The following SKAP1 variants were observed in gnomAD, a reference collection of about 807,000 sequenced individuals.
SKAP1 encodes the protein src kinase-associated phosphoprotein 1.
Under a neutral mutation model 58.5 loss-of-function variants are expected in SKAP1, and 44 were observed. The observed-to-expected ratio is 0.75, with a 90% CI of 0.59 to 0.97. SKAP1 has a LOEUF of 0.97. Ranked by LOEUF, SKAP1 falls within the 50% of genes least tolerant of loss-of-function variation. The pLI, the probability that SKAP1 is intolerant of heterozygous loss-of-function variation, is 0.00. For missense variants in SKAP1, 390 were observed against 435.2 expected, an observed-to-expected ratio of 0.90 and a Z score of 0.92; for synonymous variants, 127 against 149.7, an observed-to-expected ratio of 0.85 and a Z score of 1.11.
chr17:48,217,540 G>A (rs775504419), intron 4 of SKAP1, among the ~76,000 whole-genome samples: 15 of 152,046 alleles, frequency 9.9e-5, no homozygotes, highest in African/African-American at 1.7e-4. Flanking sequence ...CCAGCTGCTC[G>A]GGAGGCTGAG....
intron 11 of SKAP1, among the ~76,000 whole-genome samples, chr17:48,144,623 A>G (rs986462441): frequency 3.3e-5 from 5 of 152,226 alleles, no homozygotes; most frequent in African/African-American, 1.2e-4. Flanking sequence ...TTAAACTATT[A>G]AAATGGAGAG....
intron 1 of SKAP1, among the ~76,000 whole-genome samples, chr17:48,427,462 G>A (rs778807506): frequency 6.6e-6 from 1 of 151,958 alleles, no homozygotes; most frequent in Non-Finnish European, 1.5e-5. Context: ...TTTCACTTCA[G>A]TGACAGATTT....
intron 4 of SKAP1, among the ~76,000 whole-genome samples, chr17:48,225,154 A>G (rs1174037149): frequency 6.6e-6 from 1 of 152,200 alleles, no homozygotes; most frequent in East Asian, 1.9e-4. Context: ...GTATATTTCA[A>G]TATGCTTCTC....
intron 4 of SKAP1, among the ~76,000 whole-genome samples, chr17:48,244,668 T>C (rs1284133636): frequency 6.6e-6 from 1 of 152,180 alleles, no homozygotes. Flanking sequence ...AGTTATAATA[T>C]TCCAAAGGAA....
chr17:48,257,380 A>G (rs2065434960), intron 4 of SKAP1, among the ~76,000 whole-genome samples: 1 of 152,152 alleles, frequency 6.6e-6, no homozygotes, highest in Non-Finnish European at 1.5e-5. Flanking sequence ...TACTACAAAC[A>G]CAAATCTTAC....
chr17:48,245,919 G>T (rs1357139312), intron 4 of SKAP1, among the ~76,000 whole-genome samples: 1 of 152,130 alleles, frequency 6.6e-6, no homozygotes, highest in African/African-American at 2.4e-5. Context: ...AGGTTGCAGT[G>T]ACCCAAGATT....
the SKAP1 span, among the ~76,000 whole-genome samples, chr17:48,441,270 G>A: frequency 6.6e-6 from 1 of 152,162 alleles, no homozygotes; most frequent in Non-Finnish European, 1.5e-5. Context: ...AGAGCTGGAA[G>A]GAACTTTAGA....
At chr17:48,226,805 G>A (rs145256726) in intron 4 of SKAP1, among the ~76,000 whole-genome samples, 183 of 152,218 alleles carry the variant, frequency 1.2e-3, no homozygotes, top group African/African-American at 4.3e-3. Context: ...TGGTAAACTT[G>A]ATGCTTAATT....
intron 4 of SKAP1, among the ~76,000 whole-genome samples, chr17:48,264,216 T>C (rs1478923481): frequency 6.6e-6 from 1 of 151,874 alleles, no homozygotes; most frequent in Non-Finnish European, 1.5e-5. Context: ...CACTACTTTA[T>C]ATATATATAC....
At chr17:48,269,043 T>G (rs1264367753) in intron 4 of SKAP1, among the ~76,000 whole-genome samples, 12 of 152,018 alleles carry the variant, frequency 7.9e-5, no homozygotes, top group Non-Finnish European at 1.5e-4. Context: ...TGTAATATAC[T>G]AATATATAAT....
At chr17:48,365,239 C>A (rs185178001) in intron 2 of SKAP1, among the ~76,000 whole-genome samples, 120 of 152,146 alleles carry the variant, frequency 7.9e-4, no homozygotes, top group Non-Finnish European at 1.4e-3. Flanking sequence ...TGAGCCACTG[C>A]ATCCAGCAAC....
intron 4 of SKAP1, among the ~76,000 whole-genome samples, chr17:48,254,924 A>G (rs577858575): frequency 6.6e-6 from 1 of 152,148 alleles, no homozygotes; most frequent in South Asian, 2.1e-4. Flanking sequence ...ATTTTCTTAT[A>G]GCTTGGGCTT....
chr17:48,342,306 A>C (rs2066663921), intron 4 of SKAP1, among the ~76,000 whole-genome samples: 1 of 152,144 alleles, frequency 6.6e-6, no homozygotes. Context: ...GGCATTTACA[A>C]AGGAAAAGGA....
chr17:48,135,512 C>T (rs1173648995), intron 12 of SKAP1, among the ~76,000 whole-genome samples: 1 of 152,156 alleles, frequency 6.6e-6, no homozygotes, highest in Non-Finnish European at 1.5e-5. Flanking sequence ...GGATCTTGCT[C>T]TTTCACCCAG....
chr17:48,150,156 T>C (rs781713918), intron 11 of SKAP1, among the ~76,000 whole-genome samples: 1 of 152,204 alleles, frequency 6.6e-6, no homozygotes, highest in Non-Finnish European at 1.5e-5. Context: ...CAAAAGACCC[T>C]TGCTGTAGGA....
chr17:48,192,445 C>T (rs1307787160), intron 4 of SKAP1, among the ~76,000 whole-genome samples: 1 of 151,960 alleles, frequency 6.6e-6, no homozygotes, highest in Non-Finnish European at 1.5e-5. Flanking sequence ...TTTTATGGAA[C>T]ATCTATAATT....
intron 4 of SKAP1, among the ~76,000 whole-genome samples, chr17:48,321,471 G>A (rs754326860): frequency 1.3e-5 from 2 of 151,206 alleles, no homozygotes; most frequent in Non-Finnish European, 1.5e-5. Context: ...TCCGTCTTCC[G>A]GGTTCACACC....
chr17:48,385,295 T>C (rs1231916830), intron 2 of SKAP1, among the ~76,000 whole-genome samples: 1 of 141,876 alleles, frequency 7.0e-6, no homozygotes, highest in Admixed American at 7.3e-5. Context: ...TCTAGGCTTC[T>C]ATTTCAAGAA....
Position 48,368,640 on chromosome 17 carries a change from C to T in SKAP1, c.153-4826G>A, listed in dbSNP as rs143112858. Among the ~76,000 whole-genome samples, 642 of 152,146 alleles carry T rather than the reference C, an allele frequency of 4.2e-3. 8 individuals are homozygous for T. Among genetic ancestry groups the T allele is most frequent in the African/African-American group, 0.014 (595 of 41,494 alleles). On this transcript the variant is annotated intron_variant, in intron 2 of 12. Coordinates refer to ENST00000336915, the MANE Select transcript of SKAP1 (RefSeq NM_003726.4). ...ATATCCATACTCAATATCATCAGGA[C>T]GATGCAAATGATATTTGGAACTGAA...
Sources: allele counts gnomAD v4.1 joint callset (sites outside exome capture counted in the v4.1 genomes callset), GRCh38; gene constraint gnomAD v4.1.1; transcripts MANE v1.5; gene names NCBI Gene and HGNC (gene_info 2026-07-23, HGNC 2026-07-21).